Variants in AKAP13 observed in about 807,000 individuals in gnomAD.
AKAP13 encodes the protein A-kinase anchor protein 13.
AKAP13 carries 80 observed loss-of-function variants against 264.5 expected under a neutral mutation model. The observed-to-expected ratio is 0.30, with a 90% CI of 0.25 to 0.36. The LOEUF is 0.36. AKAP13 is among the 10% of genes least tolerant of loss of function. The pLI, the probability that AKAP13 is intolerant of heterozygous loss-of-function variation, is 1.00. For synonymous variants in AKAP13, 1,380 were observed against 1,250.2 expected (o/e 1.10, Z -2.19); for missense variants, 3,712 against 3,435.2 (o/e 1.08, Z -2.01).
rs2087131748 is a variant in AKAP13 at position 85,719,101 on chromosome 15, T to C, written c.6027T>C (p.His2009=). 1 of 1,614,070 alleles carries C rather than the reference T, an allele frequency of 6.2e-7. No individual in the cohort carries two copies. Among genetic ancestry groups the C allele is most frequent in the Admixed American group, 1.7e-5 (1 of 59,996 alleles). ...AGTTGATGCAGACAGAGTTTCATCA[T>C]GTCCGCACTCTCAAGATCATGAGTG... ...IYELMQTEFH[H]VRTLKIMSGV... is the part of the protein sequence containing the mutation. Residue 2009 remains histidine (H), a synonymous_variant, in exon 23 of 37, where the codon CAT becomes CAC. Coordinates refer to ENST00000394518, the MANE Select transcript of AKAP13 (RefSeq NM_007200.5).
At chr15:85,678,127 A>G (rs2084358022) in intron 14 of AKAP13, among the ~76,000 whole-genome samples, 1 of 152,226 alleles carries the variant, frequency 6.6e-6, no homozygotes, top group South Asian at 2.1e-4. Context: ...CCCTTCATGA[A>G]AATTACAGTC....
intron 12 of AKAP13, among the ~76,000 whole-genome samples, chr15:85,661,809 A>G (rs1253081778): frequency 2.0e-5 from 3 of 151,382 alleles, no homozygotes; most frequent in Non-Finnish European, 2.9e-5. Flanking sequence ...CCTAGTGAGT[A>G]GGGTTTGAAG....
At chr15:85,471,626 A>G (rs2074964387) in intron 1 of AKAP13, among the ~76,000 whole-genome samples, 1 of 152,244 alleles carries the variant, frequency 6.6e-6, no homozygotes, top group Admixed American at 6.5e-5. Flanking sequence ...CACCACAATC[A>G]GCAAATAGAA....
rs947470295 is a variant in AKAP13, at chr15:85,514,584, T to C, written c.34-6844T>C. Among the ~76,000 whole-genome samples, 4 of 138,228 alleles carry C rather than the reference T, an allele frequency of 2.9e-5. 2 individuals are homozygous for C. Among genetic ancestry groups the C allele is most frequent in the African/African-American group, 1.2e-4 (4 of 34,266 alleles). The allele number at this position is 138,228 out of a possible 152,430, so 90.7% of individuals were successfully genotyped here. On this transcript the variant is annotated intron_variant, in intron 2 of 36. Transcript: ENST00000394518. ...TGACCAATGCCTGTACACTAGATAA[T>C]ATTCATTGCTACTGAGTGTTCCTCT...
In AKAP13 at chr15:85,393,633, C is replaced by G. The variant is rs2070972084; in HGVS notation, c.-12+12835C>G. Reference sequence around the variant, plus strand: ...ACCTACGTGTTATGTTATCTACATTCTCTTAATTCCTTACAGTAATCCTAT... The same window carrying G: ...ACCTACGTGTTATGTTATCTACATTGTCTTAATTCCTTACAGTAATCCTAT... On this transcript the variant is annotated intron_variant, in intron 1 of 36. Transcript: ENST00000394518. Among the ~76,000 whole-genome samples the G allele has an allele frequency of 2.6e-5, 4 of 152,308 alleles. No individual in the cohort carries two copies. The South Asian group carries it at 8.3e-4, about 32-fold the overall frequency.
chr15:85,517,610 G>C (rs1020792125), intron 2 of AKAP13, among the ~76,000 whole-genome samples: 2 of 152,102 alleles, frequency 1.3e-5, no homozygotes, highest in East Asian at 3.8e-4. Flanking sequence ...ACTTCAGGAT[G>C]GGGAAAAGTG....
chr15:85,538,202 C>G (rs1265853497), intron 4 of AKAP13, among the ~76,000 whole-genome samples: 1 of 152,116 alleles, frequency 6.6e-6, no homozygotes, highest in Non-Finnish European at 1.5e-5. Flanking sequence ...TGCAGACTTG[C>G]TCTAGAGGAA....
chr15:85,532,860 G>A (rs2077285439), intron 3 of AKAP13, among the ~76,000 whole-genome samples: 1 of 152,176 alleles, frequency 6.6e-6, no homozygotes, highest in Non-Finnish European at 1.5e-5. Flanking sequence ...TGGGCACCAT[G>A]GAGTCCTTGG....
At chr15:85,665,361 A>G (rs1224230863) in intron 13 of AKAP13, among the ~76,000 whole-genome samples, 1 of 152,204 alleles carries the variant, frequency 6.6e-6, no homozygotes, top group Non-Finnish European at 1.5e-5. Flanking sequence ...AGTAAACTGA[A>G]TCTTGAAATA....
intron 2 of AKAP13, among the ~76,000 whole-genome samples, chr15:85,507,445 G>A (rs1281669099): frequency 1.3e-5 from 2 of 151,256 alleles, no homozygotes. Flanking sequence ...CCACAAAGCC[G>A]AAAATATTTA....
At chr15:85,577,130 C>T (rs1005221997) in intron 6 of AKAP13, among the ~76,000 whole-genome samples, 1 of 152,216 alleles carries the variant, frequency 6.6e-6, no homozygotes, top group South Asian at 2.1e-4. Flanking sequence ...TGCTTGTACA[C>T]TCTACTAGAA....
Position 85,741,214 on chromosome 15 carries a change from C to T in AKAP13, c.7777C>T (p.Gln2593Ter). 1 of 1,609,906 alleles carries T rather than the reference C, an allele frequency of 6.2e-7. No individual in the cohort carries two copies. The change falls in exon 35 of 37, where the codon CAG becomes TAG. Residue 2593 changes from glutamine to a stop codon, truncating the protein, a stop_gained. Coordinates refer to ENST00000394518, the MANE Select transcript of AKAP13 (RefSeq NM_007200.5). LOFTEE classifies it high-confidence loss of function. ...GGCCAACCTGCAGAAGCAGCAGGCCCAGTACCTCGAGGAGAAGCGCAGGCG... is the reference window on the plus strand; with the variant it reads ...GGCCAACCTGCAGAAGCAGCAGGCCTAGTACCTCGAGGAGAAGCGCAGGCG... Reference protein sequence around the residue: ...DLANLQKQQAQYLEEKRRRER... With the variant: ...DLANLQKQQA
chr15:85,406,380 C>T (rs2071663737), intron 1 of AKAP13, among the ~76,000 whole-genome samples: 1 of 143,734 alleles, frequency 7.0e-6, no homozygotes, highest in Non-Finnish European at 1.5e-5. Flanking sequence ...TTTTTGTGAC[C>T]TTAGACTAGA....
chr15:85,632,131 C>A (rs190737690), intron 8 of AKAP13, among the ~76,000 whole-genome samples: 23 of 152,308 alleles, frequency 1.5e-4, no homozygotes, highest in African/African-American at 5.5e-4. Flanking sequence ...AGTTAACTTA[C>A]ATCCTGACAC....
At chr15:85,689,262 G>A (rs186336578) in intron 16 of AKAP13, among the ~76,000 whole-genome samples, 4 of 152,238 alleles carry the variant, frequency 2.6e-5, no homozygotes, top group Non-Finnish European at 4.4e-5. Context: ...TGTACCCATA[G>A]GCCTTTCAGA....
intron 8 of AKAP13, chr15:85,619,713 G>C (rs1237816048): frequency 1.0e-6 from 1 of 1,001,946 alleles, no homozygotes; most frequent in Non-Finnish European, 1.2e-6. Context: ...GTTATGCTTA[G>C]CCAGTTTATT....
At chr15:85,399,527 A>G (rs202206220) in intron 1 of AKAP13, among the ~76,000 whole-genome samples, 2 of 114,740 alleles carry the variant, frequency 1.7e-5, no homozygotes, top group East Asian at 4.6e-4. Context: ...AAAAAATAAA[A>G]AAATAAAAAA....
In AKAP13 at chr15:85,581,679, A is replaced by T. The variant is rs765770136; in HGVS notation, c.3611A>T (p.His1204Leu). Residue 1204 changes from histidine (H) to leucine (L), a missense_variant, in exon 7 of 37, where the codon CAT becomes CTT. By Grantham distance (99) the His-to-Leu change is moderately conservative. Around this residue, in one of 3 missense-constraint regions of AKAP13, gnomAD observed 2,759 missense variants for 2,411.7 expected, o/e 1.14. Coordinates refer to ENST00000394518, the MANE Select transcript of AKAP13 (RefSeq NM_007200.5). ...ELPTDMELSA[H>L]DDGAPAGVRE... ...CCCACAGACATGGAGCTCTCAGCCC[A>T]TGATGATGGGGCCCCAGCTGGTGTG... 1.2e-6 allele frequency: 2 copies of T among 1,614,134 alleles called. No homozygotes were observed. Among genetic ancestry groups the T allele is most frequent in the East Asian group, 4.5e-5 (2 of 44,886 alleles).
intron 8 of AKAP13, among the ~76,000 whole-genome samples, chr15:85,634,733 TCTC>T (rs1251482329): frequency 6.6e-6 from 1 of 152,150 alleles, no homozygotes; most frequent in Non-Finnish European, 1.5e-5. Flanking sequence ...TAGTCAGTCT[TCTC>T]CTTCATTCTC....
Sources: gnomAD v4.1 joint callset for allele counts (sites outside exome capture counted in the v4.1 genomes callset) on GRCh38, gnomAD v4.1.1 for gene constraint, gnomAD v4.1.1 regional missense constraint, MANE v1.5 for transcripts, NCBI Gene and HGNC (gene_info 2026-07-23, HGNC 2026-07-21) for gene names.